Variants in EFNB1 observed in about 807,000 individuals in gnomAD.
EFNB1 encodes ephrin B1, also known as ephrin-B1.
A neutral mutation model predicts 18.1 loss-of-function variants in EFNB1; 1 was observed. The observed-to-expected ratio is 0.06, with a 90% CI of 0.02 to 0.26. EFNB1 has a LOEUF of 0.26. Among genes scored for constraint, EFNB1 ranks in the 10% least tolerant of loss-of-function variants. EFNB1 has a pLI of 1.00. For missense variants in EFNB1, 221 were observed against 301.8 expected, an observed-to-expected ratio of 0.73 and a Z score of 1.98; for synonymous variants, 131 against 127.5, an observed-to-expected ratio of 1.03 and a Z score of -0.19.
chrX:68,835,181 C>T (rs185762538), intron 1 of EFNB1, among the ~76,000 whole-genome samples: 1 of 111,219 alleles, frequency 9.0e-6, no homozygotes, highest in East Asian at 2.9e-4. Flanking sequence ...TCCTTTTACT[C>T]CCTGGGGTGG....
Position 68,838,833 on chromosome X carries a change from G to A in EFNB1, c.345G>A (p.Gln115=), listed in dbSNP as rs1297555343. ...AAATACGCTTTACCATCAAGTTCCA[G>A]GAGTTCAGCCCCAACTACATGGGCC... is the stretch of plus-strand genomic sequence containing the variant. The part of the protein sequence containing the change: ...EQEIRFTIKF[Q]EFSPNYMGLE... The change falls in exon 2 of 5, where the codon CAG becomes CAA. Residue 115 remains glutamine, a synonymous_variant. Transcript: ENST00000204961. 8.3e-7 allele frequency: 1 copy of A among 1,205,443 alleles called. No individual in the cohort carries two copies. Among genetic ancestry groups the A allele is most frequent in the East Asian group, 3.0e-5 (1 of 33,528 alleles).
chrX:68,832,767 G>A (rs903224405), intron 1 of EFNB1, among the ~76,000 whole-genome samples: 10 of 110,336 alleles, frequency 9.1e-5, no homozygotes, highest in Non-Finnish European at 1.7e-4. Context: ...GTGGGGGGAT[G>A]GGTTTGGTCC....
chrX:68,839,978 C>T lies in EFNB1; in HGVS notation c.518C>T (p.Pro173Leu). 1.7e-6 allele frequency: 2 copies of T among 1,211,890 alleles called. No individual in the cohort carries two copies. Among genetic ancestry groups the T allele is most frequent in the East Asian group, 3.0e-5 (1 of 33,852 alleles). ...KVGQDPNAVT[P>L]EQLTTSRPSK... ...TTCTTAGATCCCAATGCTGTGACGC[C>T]TGAGCAGCTGACTACCAGCAGGCCC... Residue 173 changes from proline (P) to leucine (L), a missense_variant, in exon 4 of 5, where the codon CCT becomes CTT. Physicochemically the swap from Pro to Leu is moderately conservative, Grantham distance 98 (BLOSUM62 -3). Transcript: ENST00000204961.
At chrX:68,833,611 CTG>C (rs761536201) in intron 1 of EFNB1, among the ~76,000 whole-genome samples, 1 of 111,935 alleles carries the variant, frequency 8.9e-6, no homozygotes, top group Non-Finnish European at 1.9e-5. Context: ...AGAGTCCACT[CTG>C]TGACTATTAG....
chrX:68,835,688 G>A (rs1273759500), intron 1 of EFNB1, among the ~76,000 whole-genome samples: 1 of 111,801 alleles, frequency 8.9e-6, no homozygotes, highest in Non-Finnish European at 1.9e-5. Flanking sequence ...AGGGGAAGGT[G>A]AGTTTCCCTC....
chrX:68,839,724 G>T lies in EFNB1; in HGVS notation c.467G>T (p.Arg156Leu). ...ENREGGVCRT[R>L]TMKIIMKVGQ... Reference sequence around the variant, plus strand: ...CGGGAGGGCGGTGTGTGCCGCACACGCACCATGAAGATCATCATGAAGGTT... The same window carrying T: ...CGGGAGGGCGGTGTGTGCCGCACACTCACCATGAAGATCATCATGAAGGTT... Residue 156 changes from arginine (R) to leucine (L), a missense_variant, in exon 3 of 5, where the codon CGC (arginine) becomes CTC (leucine). By Grantham distance (102) the Arg-to-Leu change is moderately radical. Coordinates refer to ENST00000204961, the MANE Select transcript of EFNB1 (RefSeq NM_004429.5). The T allele has an allele frequency of 8.3e-7, 1 of 1,211,043 alleles. No individual in the cohort carries two copies. The highest frequency in any genetic ancestry group is 1.1e-6 in the Non-Finnish European group (1 of 895,097).
chrX:68,832,602 A>C (rs1229673117), intron 1 of EFNB1, among the ~76,000 whole-genome samples: 1 of 111,707 alleles, frequency 9.0e-6, no homozygotes, highest in Admixed American at 9.4e-5. Flanking sequence ...GCCCGGCCCC[A>C]GCCCTGACTG....
chrX:68,833,717 T>C (rs961114339), intron 1 of EFNB1, among the ~76,000 whole-genome samples: 1 of 112,385 alleles, frequency 8.9e-6, no homozygotes, highest in Middle Eastern at 4.6e-3. Flanking sequence ...TCACGATCAT[T>C]GTTTTGGGTC....
At chrX:68,833,702 G>T (rs58844823) in intron 1 of EFNB1, among the ~76,000 whole-genome samples, 1 of 112,241 alleles carries the variant, frequency 8.9e-6, no homozygotes, top group Non-Finnish European at 1.9e-5. Flanking sequence ...CCTCTTGGGC[G>T]TGTTTCACGA....
At chrX:68,839,856 C>G in intron 3 of EFNB1, 100 bp downstream of exon 3, 1 of 1,180,591 alleles carries the variant, frequency 8.5e-7, no homozygotes, top group Non-Finnish European at 1.1e-6. Flanking sequence ...GGGGAGCAGG[C>G]GTAGGGTTAC....
chrX:68,831,444 C>T (rs1372139017), intron 1 of EFNB1, among the ~76,000 whole-genome samples: 2 of 111,859 alleles, frequency 1.8e-5, no homozygotes, highest in African/African-American at 6.5e-5. Context: ...ACAACACTCT[C>T]CTAACAGCAG....
At chrX:68,831,453 A>G (rs1012446317) in intron 1 of EFNB1, among the ~76,000 whole-genome samples, 2 of 111,751 alleles carry the variant, frequency 1.8e-5, no homozygotes, top group African/African-American at 6.5e-5. Context: ...TCCTAACAGC[A>G]GGGGCTCAAA....
chrX:68,831,497 G>C (rs959996052), intron 1 of EFNB1, among the ~76,000 whole-genome samples: 1 of 111,373 alleles, frequency 9.0e-6, no homozygotes, highest in East Asian at 2.9e-4. Context: ...TTGAGCCCAG[G>C]GGGGAACGTT....
rs759983838 is a variant in EFNB1, at chrX:68,840,953, C to G, written c.*299C>G. The G allele has an allele frequency of 3.0e-5, 11 of 372,028 alleles. No homozygotes were observed. The highest frequency in any genetic ancestry group is 5.2e-5 in the Non-Finnish European group (11 of 213,403). The allele number at this position is 372,028 out of a possible 1,213,427, so 30.7% of individuals were successfully genotyped here. ...TGGACAGCAGGCAGGGAGACAGTCCCCTGGCCCTGCCCCTCCCTCGCCCCC... is the reference window on the plus strand; with the variant it reads ...TGGACAGCAGGCAGGGAGACAGTCCGCTGGCCCTGCCCCTCCCTCGCCCCC... On this transcript the variant is annotated 3_prime_UTR_variant, in exon 5 of 5. Coordinates refer to ENST00000204961, the MANE Select transcript of EFNB1 (RefSeq NM_004429.5).
intron 1 of EFNB1, among the ~76,000 whole-genome samples, chrX:68,831,009 G>A (rs1481882124): frequency 9.0e-6 from 1 of 111,275 alleles, no homozygotes; most frequent in Non-Finnish European, 1.9e-5. Flanking sequence ...CAGGACTCAG[G>A]TTGGAACCAA....
intron 1 of EFNB1, among the ~76,000 whole-genome samples, chrX:68,833,135 C>T (rs1222806526): frequency 9.0e-6 from 1 of 111,053 alleles, no homozygotes; most frequent in Non-Finnish European, 1.9e-5. Flanking sequence ...TGGGTGGGGG[C>T]AGCTGCAGAC....
At chrX:68,836,196 G>T (rs1254413650) in intron 1 of EFNB1, among the ~76,000 whole-genome samples, 3 of 111,755 alleles carry the variant, frequency 2.7e-5, no homozygotes, top group African/African-American at 9.8e-5. Context: ...GTTCCTGCTG[G>T]CTCTAAGATG....
chrX:68,838,535 G>A, intron 1 of EFNB1, 82 bp from the exon 2 acceptor site: 1 of 1,144,183 alleles, frequency 8.7e-7, no homozygotes, highest in Non-Finnish European at 1.2e-6. Context: ...GCCCAGCCCG[G>A]CTCTTGTCCG....
intron 1 of EFNB1, among the ~76,000 whole-genome samples, 185 bp from the exon 2 acceptor site, chrX:68,838,432 A>G (rs2080467905): frequency 9.0e-6 from 1 of 110,752 alleles, no homozygotes; most frequent in South Asian, 3.8e-4. Context: ...CACCCCTTCC[A>G]CACTCTCCTG....
Sources: allele counts gnomAD v4.1 joint callset (sites outside exome capture counted in the v4.1 genomes callset), GRCh38; gene constraint gnomAD v4.1.1; transcripts MANE v1.5; gene names NCBI Gene and HGNC (gene_info 2026-07-23, HGNC 2026-07-21).